MECOM: variants seen among roughly 807,000 people sequenced by gnomAD.
MECOM encodes the protein MDS1 and EVI1 complex locus, also known as histone-lysine N-methyltransferase MECOM.
A neutral mutation model predicts 116.3 loss-of-function variants in MECOM; 13 were observed. The ratio of observed to expected loss-of-function variants is 0.11; its 90% CI spans 0.07 to 0.18. MECOM has a LOEUF of 0.18. Ranked by LOEUF, MECOM falls within the 10% of genes least tolerant of loss-of-function variation. The pLI, the probability that MECOM is intolerant of heterozygous loss-of-function variation, is 1.00. For missense variants in MECOM, 1,299 were observed against 1,509.0 expected (o/e 0.86, Z 2.31); for synonymous variants, 528 against 535.2 (o/e 0.99, Z 0.19).
In MECOM at chr3:169,476,728, G is replaced by A. The variant is rs77978991; in HGVS notation, c.38-95204C>T. On this transcript the variant is annotated intron_variant, in intron 1 of 16. Coordinates refer to ENST00000651503, the MANE Select transcript of MECOM (RefSeq NM_004991.4). ...CATATTTTTGTGAAATTAAAATCTC[G>A]CCCTCCTGTGACCCTAATCCACATA... Among the ~76,000 whole-genome samples the A allele has an allele frequency of 1.0e-3, 154 of 150,052 alleles. 2 individuals are homozygous for A. The East Asian group carries it at 0.026, about 25-fold the overall frequency.
intron 2 of MECOM, among the ~76,000 whole-genome samples, chr3:169,268,135 C>T (rs1758532824): frequency 1.3e-5 from 2 of 152,116 alleles, no homozygotes; most frequent in South Asian, 4.1e-4. Context: ...TGTCCTTTAC[C>T]AAGTTGAAAC....
intron 1 of MECOM, among the ~76,000 whole-genome samples, chr3:169,532,739 T>C (rs991020245): frequency 2.0e-5 from 3 of 152,152 alleles, no homozygotes; most frequent in African/African-American, 7.2e-5. Context: ...GCTCCTCAGT[T>C]GCTTCCCCAC....
chr3:169,296,787 A>G (rs189078094), intron 2 of MECOM, among the ~76,000 whole-genome samples: 73 of 152,304 alleles, frequency 4.8e-4, no homozygotes, highest in Non-Finnish European at 2.1e-4. Flanking sequence ...TGCTTCTCAT[A>G]CTCGTAAACA....
intron 2 of MECOM, among the ~76,000 whole-genome samples, chr3:169,372,980 A>G (rs1214350466): frequency 6.6e-6 from 1 of 152,010 alleles, no homozygotes; most frequent in Non-Finnish European, 1.5e-5. Context: ...GGGCACTTTT[A>G]GAAGGAAACA....
At chr3:169,542,595 G>C (rs1274748581) in intron 1 of MECOM, among the ~76,000 whole-genome samples, 2 of 152,184 alleles carry the variant, frequency 1.3e-5, no homozygotes, top group Non-Finnish European at 2.9e-5. Flanking sequence ...ATTAGCCCCT[G>C]ACTTCTTTTT....
intron 2 of MECOM, among the ~76,000 whole-genome samples, chr3:169,378,825 AG>A (rs1047449106): frequency 6.6e-6 from 1 of 152,086 alleles, no homozygotes; most frequent in Admixed American, 6.6e-5. Context: ...AGTTTCCATT[AG>A]GGGAACATTT....
At chr3:169,572,080 C>T (rs957957308) in intron 1 of MECOM, among the ~76,000 whole-genome samples, 2 of 152,174 alleles carry the variant, frequency 1.3e-5, no homozygotes, top group Non-Finnish European at 2.9e-5. Context: ...AACATTTTTG[C>T]AATCTATCCA....
intron 2 of MECOM, among the ~76,000 whole-genome samples, chr3:169,240,786 T>G (rs1754694415): frequency 6.6e-6 from 1 of 152,106 alleles, no homozygotes; most frequent in African/African-American, 2.4e-5. Flanking sequence ...AGATACTAAT[T>G]ATGAGGAGAG....
chr3:169,154,073 G>A (rs1322753105), intron 2 of MECOM, among the ~76,000 whole-genome samples: 1 of 151,968 alleles, frequency 6.6e-6, no homozygotes, highest in African/African-American at 2.4e-5. Flanking sequence ...TTTCTCTCAA[G>A]CTGTGCTACC....
intron 2 of MECOM, among the ~76,000 whole-genome samples, chr3:169,232,138 G>A (rs944699410): frequency 1.3e-5 from 2 of 152,092 alleles, no homozygotes; most frequent in African/African-American, 4.8e-5. Context: ...TTCTGATCAC[G>A]TGAGAAGGCA....
intron 1 of MECOM, among the ~76,000 whole-genome samples, chr3:169,444,777 C>T (rs1358390734): frequency 6.6e-6 from 1 of 152,146 alleles, no homozygotes; most frequent in African/African-American, 2.4e-5. Context: ...AGCTTGGAAC[C>T]TCTTAGAGAC....
intron 2 of MECOM, among the ~76,000 whole-genome samples, chr3:169,378,517 A>C (rs11715195): frequency 4.6e-4 from 9 of 19,578 alleles, no homozygotes; most frequent in Non-Finnish European, 3.9e-4. Flanking sequence ...AAGAAAGAAA[A>C]GAAAGAAAGA....
intron 1 of MECOM, among the ~76,000 whole-genome samples, chr3:169,578,988 G>A (rs1240029830): frequency 6.6e-6 from 1 of 152,180 alleles, no homozygotes; most frequent in African/African-American, 2.4e-5. Flanking sequence ...TTCCCATAAT[G>A]TTTGATACAA....
At chr3:169,449,398 A>G (rs1578132635) in intron 1 of MECOM, among the ~76,000 whole-genome samples, 1 of 152,164 alleles carries the variant, frequency 6.6e-6, no homozygotes, top group African/African-American at 2.4e-5. Context: ...TAGGGCAATC[A>G]CTGAGGTCTG....
intron 1 of MECOM, among the ~76,000 whole-genome samples, chr3:169,493,746 A>G (rs1226676857): frequency 6.6e-6 from 1 of 152,120 alleles, no homozygotes; most frequent in African/African-American, 2.4e-5. Context: ...GAGAGAGCCT[A>G]TTGAAGAAAG....
At chr3:169,497,427 C>A (rs551728647) in intron 1 of MECOM, among the ~76,000 whole-genome samples, 1 of 151,978 alleles carries the variant, frequency 6.6e-6, no homozygotes, top group African/African-American at 2.4e-5. Flanking sequence ...CTCACTGCAA[C>A]CTCTGCCTCC....
At position 169,090,826 on chromosome 3, in the gene MECOM, A is replaced by G. The variant is rs202233518; in HGVS notation, c.3165-590T>C. ...CAGCTCACTTATTTGTACTATTTTCAAATTATTTTTTACAGTCTGAATGTG... is the reference window on the plus strand; with the variant it reads ...CAGCTCACTTATTTGTACTATTTTCGAATTATTTTTTACAGTCTGAATGTG... On this transcript the variant is annotated intron_variant, in intron 14 of 16. Transcript: ENST00000651503. Among the ~76,000 whole-genome samples the G allele has an allele frequency of 2.6e-5, 4 of 152,110 alleles. No individual in the cohort carries two copies. In the East Asian group the frequency reaches 7.7e-4, roughly 29 times the overall value.
chr3:169,393,839 T>C (rs929387830), intron 1 of MECOM, among the ~76,000 whole-genome samples: 4 of 152,180 alleles, frequency 2.6e-5, no homozygotes, highest in East Asian at 1.9e-4. Flanking sequence ...TTCAATAGCA[T>C]TGTAGAATCT....
intron 1 of MECOM, among the ~76,000 whole-genome samples, chr3:169,511,249 C>T (rs774314241): frequency 5.9e-5 from 9 of 152,168 alleles, no homozygotes; most frequent in Non-Finnish European, 8.8e-5. Context: ...ACAGTAATTA[C>T]TATCACATAC....
Sources: gnomAD v4.1 joint callset for allele counts (sites outside exome capture counted in the v4.1 genomes callset) on GRCh38, gnomAD v4.1.1 for gene constraint, MANE v1.5 for transcripts, NCBI Gene and HGNC (gene_info 2026-07-23, HGNC 2026-07-21) for gene names.